The following AFF3 variants were observed in gnomAD, a reference collection of about 807,000 sequenced individuals.
AFF3 encodes AF4/FMR2 family member 3.
Under a neutral mutation model 129.7 loss-of-function variants are expected in AFF3, and 32 were observed. That is an observed-to-expected ratio of 0.25 (90% CI 0.19 to 0.33). The LOEUF is 0.33. Ranked by LOEUF, AFF3 falls within the 10% of genes least tolerant of loss-of-function variation. The pLI, the probability that AFF3 is intolerant of heterozygous loss-of-function variation, is 1.00. For missense variants in AFF3, 1,373 were observed against 1,592.0 expected (o/e 0.86, Z 2.34); for synonymous variants, 644 against 635.4 (o/e 1.01, Z -0.20).
chr2:99,766,831 TA>T (rs1176510914), intron 8 of AFF3, among the ~76,000 whole-genome samples: 1 of 152,182 alleles, frequency 6.6e-6, no homozygotes, highest in East Asian at 1.9e-4. Flanking sequence ...TAATAATGGC[TA>T]AAGAAGGTGA....
chr2:99,927,096 T>C (rs1696305013), intron 7 of AFF3, among the ~76,000 whole-genome samples: 3 of 152,180 alleles, frequency 2.0e-5, no homozygotes, highest in Non-Finnish European at 4.4e-5. Flanking sequence ...ATGTGAAAAC[T>C]GCACTATGGA....
chr2:100,077,589 G>C (rs767457314), intron 4 of AFF3, among the ~76,000 whole-genome samples: 5 of 152,158 alleles, frequency 3.3e-5, no homozygotes, highest in Non-Finnish European at 5.9e-5. Flanking sequence ...CTAAATTTGT[G>C]GTAATTTGTT....
At chr2:99,845,953 C>G (rs1191163264) in intron 7 of AFF3, among the ~76,000 whole-genome samples, 2 of 152,106 alleles carry the variant, frequency 1.3e-5, no homozygotes, top group Non-Finnish European at 2.9e-5. Flanking sequence ...CTGCCTCAGC[C>G]TCCCGAGTAG....
intron 7 of AFF3, among the ~76,000 whole-genome samples, chr2:99,896,035 C>A (rs574245330): frequency 1.8e-3 from 270 of 146,408 alleles, no homozygotes; most frequent in African/African-American, 6.8e-3. Flanking sequence ...CACCACTGCA[C>A]CCCAGTCTGA....
intron 7 of AFF3, among the ~76,000 whole-genome samples, chr2:99,873,193 T>C (rs1019338057): frequency 6.6e-6 from 1 of 152,224 alleles, no homozygotes; most frequent in Admixed American, 6.5e-5. Flanking sequence ...TTTAATAAAA[T>C]TGGTAACGTT....
intron 15 of AFF3, among the ~76,000 whole-genome samples, chr2:99,587,848 A>G (rs1480457475): frequency 6.6e-6 from 1 of 151,862 alleles, no homozygotes; most frequent in Non-Finnish European, 1.5e-5. Context: ...CATCTCTACT[A>G]AAATACAAAA....
intron 7 of AFF3, among the ~76,000 whole-genome samples, chr2:99,886,819 G>C (rs115085933): frequency 0.012 from 1,849 of 152,258 alleles, 41 homozygotes; most frequent in African/African-American, 0.042. Flanking sequence ...AGCAGTATTT[G>C]TGAAAATTTT....
intron 4 of AFF3, among the ~76,000 whole-genome samples, chr2:100,020,566 C>T (rs925155413): frequency 6.6e-6 from 1 of 152,168 alleles, no homozygotes; most frequent in African/African-American, 2.4e-5. Flanking sequence ...CAACCCCAGC[C>T]TCTACTTGTT....
At chr2:99,706,173 T>C (rs1677367801) in intron 11 of AFF3, among the ~76,000 whole-genome samples, 2 of 152,158 alleles carry the variant, frequency 1.3e-5, no homozygotes, top group South Asian at 2.1e-4. Flanking sequence ...AAGGCAGGTA[T>C]TGGTAGACCC....
intron 2 of AFF3, among the ~76,000 whole-genome samples, chr2:100,128,835 C>T (rs1251461185): frequency 1.3e-5 from 2 of 152,158 alleles, no homozygotes; most frequent in South Asian, 2.1e-4. Flanking sequence ...TCTAAGTGTG[C>T]TGGGAAGGGA....
intron 12 of AFF3, 86 bp downstream of exon 12, chr2:99,672,452 C>T: frequency 7.7e-7 from 1 of 1,298,074 alleles, no homozygotes; most frequent in Admixed American, 1.7e-5. Flanking sequence ...TGCCACCATT[C>T]AGCTTGGTTA....
intron 1 of AFF3, among the ~76,000 whole-genome samples, chr2:100,133,911 T>G (rs1260600524): frequency 2.0e-5 from 3 of 152,046 alleles, no homozygotes; most frequent in Non-Finnish European, 4.4e-5. Context: ...CCAGCCTGGG[T>G]GACAGAGCGA....
intron 2 of AFF3, 57 bp from the exon 3 acceptor site, chr2:100,105,640 C>T: frequency 7.5e-7 from 1 of 1,341,310 alleles, no homozygotes; most frequent in Admixed American, 2.2e-5. Context: ...TAATCTCCCT[C>T]ATTGTAAAGA....
At chr2:99,985,504 T>G (rs547226913) in intron 7 of AFF3, among the ~76,000 whole-genome samples, 52 of 152,188 alleles carry the variant, frequency 3.4e-4, no homozygotes, top group Non-Finnish European at 6.9e-4. Context: ...TGGAGTTAGA[T>G]CAGAGAAATA....
intron 7 of AFF3, among the ~76,000 whole-genome samples, chr2:99,998,285 A>C (rs998269428): frequency 2.0e-5 from 3 of 152,216 alleles, no homozygotes; most frequent in Non-Finnish European, 4.4e-5. Context: ...TTTGTTCATC[A>C]GCATAAGGGT....
chr2:99,716,209 T>C (rs1172716525), intron 11 of AFF3, among the ~76,000 whole-genome samples: 2 of 152,200 alleles, frequency 1.3e-5, no homozygotes, highest in African/African-American at 4.8e-5. Flanking sequence ...AGAATTTTTC[T>C]AGTATAGGCA....
intron 7 of AFF3, among the ~76,000 whole-genome samples, chr2:99,965,410 T>C (rs1236441644): frequency 6.6e-6 from 1 of 152,228 alleles, no homozygotes; most frequent in Non-Finnish European, 1.5e-5. Flanking sequence ...TTGTATTCAT[T>C]GGACTTCAAT....
At chr2:99,914,200 TG>T (rs1695295855) in intron 7 of AFF3, among the ~76,000 whole-genome samples, 1 of 152,204 alleles carries the variant, frequency 6.6e-6, no homozygotes, top group Non-Finnish European at 1.5e-5. Flanking sequence ...CCTCTTGACA[TG>T]ATGTGCAACG....
intron 11 of AFF3, among the ~76,000 whole-genome samples, chr2:99,709,428 T>C (rs1360492174): frequency 6.6e-6 from 1 of 152,144 alleles, no homozygotes; most frequent in Non-Finnish European, 1.5e-5. Context: ...CAGTAAGTTT[T>C]AGGGGTGAAG....
Sources: allele counts gnomAD v4.1 joint callset (sites outside exome capture counted in the v4.1 genomes callset), GRCh38; gene constraint gnomAD v4.1.1; transcripts MANE v1.5; gene names NCBI Gene and HGNC (gene_info 2026-07-23, HGNC 2026-07-21).